Variants in KANSL1 observed in about 807,000 individuals in gnomAD.
The protein encoded by KANSL1 is MLL1/MLL complex subunit KANSL1.
A neutral mutation model predicts 103.6 loss-of-function variants in KANSL1; 22 were observed. The observed-to-expected ratio is 0.21, with a 90% CI of 0.15 to 0.30. KANSL1 has a LOEUF of 0.30. Among genes scored for constraint, KANSL1 ranks in the 10% least tolerant of loss-of-function variants. The pLI is 1.00. For missense variants in KANSL1, 1,337 were observed against 1,399.8 expected (o/e 0.96, Z 0.72); for synonymous variants, 600 against 527.6 (o/e 1.14, Z -1.88).
At chr17:46,120,896 A>G (rs1428219019) in intron 2 of KANSL1, among the ~76,000 whole-genome samples, 4 of 152,218 alleles carry the variant, frequency 2.6e-5, no homozygotes, top group Admixed American at 2.0e-4. Flanking sequence ...GCATCTCATT[A>G]TCTTTATCAC....
intron 4 of KANSL1, among the ~76,000 whole-genome samples, chr17:46,081,522 A>G (rs2078988043): frequency 6.6e-6 from 1 of 152,262 alleles, no homozygotes; most frequent in Non-Finnish European, 1.5e-5. Context: ...CTTCACATTT[A>G]TCTCTAGCAA....
chr17:46,031,900 C>A (rs905653571), intron 14 of KANSL1, 147 bp downstream of exon 14: 11 of 1,206,302 alleles, frequency 9.1e-6, no homozygotes, highest in Non-Finnish European at 1.2e-5. Flanking sequence ...TACAGTTCCA[C>A]TGAACGTTGA....
chr17:46,055,066 G>T (rs2077869366), intron 6 of KANSL1, among the ~76,000 whole-genome samples: 2 of 151,806 alleles, frequency 1.3e-5, no homozygotes, highest in Admixed American at 1.3e-4. Context: ...AGCCAGGATG[G>T]TCTCGATCTC....
At chr17:46,187,849 A>G (rs1451872158) in intron 1 of KANSL1, among the ~76,000 whole-genome samples, 2 of 152,246 alleles carry the variant, frequency 1.3e-5, no homozygotes, top group African/African-American at 4.8e-5. Context: ...AGACTGCCCA[A>G]ACTCATTTGT....
chr17:46,194,850 G>A (rs1269255401), upstream of KANSL1, among the ~76,000 whole-genome samples: 1 of 152,144 alleles, frequency 6.6e-6, no homozygotes, highest in Non-Finnish European at 1.5e-5. Flanking sequence ...TTCCCACAAA[G>A]TTACACTAAC....
intron 2 of KANSL1, among the ~76,000 whole-genome samples, chr17:46,096,549 A>G (rs182251862): frequency 9.0e-4 from 136 of 151,588 alleles, no homozygotes; most frequent in African/African-American, 3.2e-3. Flanking sequence ...CAAACTCCCA[A>G]CCTCAGGGGA....
At chr17:46,118,148 T>C (rs1250396485) in intron 2 of KANSL1, among the ~76,000 whole-genome samples, 1 of 152,264 alleles carries the variant, frequency 6.6e-6, no homozygotes, top group East Asian at 1.9e-4. Flanking sequence ...ACAATGTTTT[T>C]AAACTCTTAG....
In KANSL1 at chr17:46,211,840, T is replaced by C. The variant is rs557637309; in HGVS notation, c.-90+11831A>G. 7.2e-5 allele frequency among the ~76,000 whole-genome samples: 11 copies of C among 152,320 alleles called. No individual in the cohort carries two copies. The East Asian group carries it at 2.1e-3, about 29-fold the overall frequency. On this transcript the variant is annotated intron_variant, in intron 1 of 14. Transcript: ENST00000572904. ...GTTACCACAATCTACAAGTTAAAAATAGATTCAAGTGCTCGGATAAATGTA... is the reference window on the plus strand; with the variant it reads ...GTTACCACAATCTACAAGTTAAAAACAGATTCAAGTGCTCGGATAAATGTA...
chr17:46,173,511 G>A (rs1465611699), intron 1 of KANSL1, among the ~76,000 whole-genome samples: 1 of 152,218 alleles, frequency 6.6e-6, no homozygotes, highest in Non-Finnish European at 1.5e-5. Context: ...AACTAAGCCA[G>A]TTGTTCTTTA....
chr17:46,195,613 A>C (rs1469938964), upstream of KANSL1, among the ~76,000 whole-genome samples: 1 of 152,226 alleles, frequency 6.6e-6, no homozygotes, highest in African/African-American at 2.4e-5. Flanking sequence ...CCCAGGCTAG[A>C]GTGCAGTGGT....
chr17:46,212,432 G>T (rs2148028496), intron 1 of KANSL1, among the ~76,000 whole-genome samples: 3 of 152,254 alleles, frequency 2.0e-5, no homozygotes, highest in Middle Eastern at 6.8e-3. Flanking sequence ...TGTTGGCCAG[G>T]ATGGTCTCGA....
intron 6 of KANSL1, among the ~76,000 whole-genome samples, chr17:46,062,704 A>G (rs1019408903): frequency 1.3e-5 from 2 of 151,990 alleles, no homozygotes; most frequent in African/African-American, 4.8e-5. Flanking sequence ...GTGCATCTCA[A>G]TTTTAAGATA....
intron 2 of KANSL1, among the ~76,000 whole-genome samples, chr17:46,109,475 T>C (rs980686892): frequency 2.6e-5 from 4 of 152,198 alleles, no homozygotes; most frequent in Non-Finnish European, 5.9e-5. Flanking sequence ...TGAAAAATAT[T>C]CTGTCATGTT....
intron 1 of KANSL1, among the ~76,000 whole-genome samples, chr17:46,173,033 C>A (rs149879015): frequency 6.6e-6 from 1 of 152,214 alleles, no homozygotes; most frequent in Non-Finnish European, 1.5e-5. Flanking sequence ...ACTGCTCTGG[C>A]AAAGGTGACC....
rs1057520967 is a variant in KANSL1, at chr17:46,067,595, T to C, written c.1606A>G (p.Thr536Ala). The C allele has an allele frequency of 6.2e-7, 1 of 1,609,508 alleles. No homozygotes were observed. The highest frequency in any genetic ancestry group is 8.5e-7 in the Non-Finnish European group (1 of 1,175,866). ...GGTCTGAGTGCTCCACATGATTTGG[T>C]AGACAGTGACTCTGAAATATGACCA... ...IIGHISESLS[T>A]KSCGALRPVN... is the part of the protein sequence containing the mutation. Residue 536 changes from threonine (T) to alanine (A), a missense_variant, in exon 5 of 15, where the codon ACC becomes GCC. Physicochemically the swap from Thr to Ala is moderately conservative, Grantham distance 58. Coordinates refer to ENST00000432791, the MANE Select transcript of KANSL1 (RefSeq NM_015443.4).
intron 2 of KANSL1, among the ~76,000 whole-genome samples, chr17:46,140,586 C>T (rs1010122916): frequency 6.6e-6 from 1 of 151,334 alleles, no homozygotes; most frequent in Admixed American, 6.6e-5. Context: ...AAATAATAAT[C>T]AAGAAAATGA....
At chr17:46,064,099 A>G (rs2078286058) in intron 6 of KANSL1, among the ~76,000 whole-genome samples, 1 of 151,222 alleles carries the variant, frequency 6.6e-6, no homozygotes, top group South Asian at 2.1e-4. Context: ...TGAAATGTCA[A>G]TATGAAAACC....
intron 6 of KANSL1, among the ~76,000 whole-genome samples, chr17:46,053,383 TCTCA>T (rs1009751120): frequency 1.4e-4 from 21 of 152,156 alleles, no homozygotes; most frequent in Admixed American, 9.8e-4. Flanking sequence ...TAAACAGTAA[TCTCA>T]CTTTTAAATT....
At chr17:46,075,456 C>A in intron 4 of KANSL1, among the ~76,000 whole-genome samples, 1 of 117,318 alleles carries the variant, frequency 8.5e-6, no homozygotes, top group Non-Finnish European at 2.2e-5. Context: ...TGTGCCTCAG[C>A]CTCCCGAGTA....
Sources: gnomAD v4.1 joint callset for allele counts (sites outside exome capture counted in the v4.1 genomes callset) on GRCh38, gnomAD v4.1.1 for gene constraint, MANE v1.5 for transcripts, NCBI Gene and HGNC (gene_info 2026-07-23, HGNC 2026-07-21) for gene names.